Variants in PDE1C observed in about 807,000 individuals in gnomAD.
The protein encoded by PDE1C is dual specificity calcium/calmodulin-dependent 3',5'-cyclic nucleotide phosphodiesterase 1C.
Under a neutral mutation model 93.1 loss-of-function variants are expected in PDE1C, and 62 were observed. The ratio of observed to expected loss-of-function variants is 0.67; its 90% CI spans 0.54 to 0.82. The LOEUF (loss-of-function observed/expected upper bound fraction) is 0.82, where lower values mean the gene tolerates loss of function less well. Ranked by LOEUF, PDE1C falls within the 40% of genes least tolerant of loss-of-function variation. PDE1C has a pLI of 0.00. For synonymous variants in PDE1C, 325 were observed against 310.1 expected (o/e 1.05, Z -0.50); for missense variants, 742 against 884.6 (o/e 0.84, Z 2.04).
chr7:31,907,692 G>T (rs926850228), intron 2 of PDE1C, among the ~76,000 whole-genome samples: 1 of 151,928 alleles, frequency 6.6e-6, no homozygotes, highest in Non-Finnish European at 1.5e-5. Flanking sequence ...AATAAAATAT[G>T]TGAATGTGAA....
At chr7:31,737,168 G>A in the PDE1C span, among the ~76,000 whole-genome samples, 6 of 150,170 alleles carry the variant, frequency 4.0e-5, no homozygotes, top group South Asian at 2.1e-4. Context: ...TTGTAGAGAC[G>A]GTATCTCACT....
intron 1 of PDE1C, among the ~76,000 whole-genome samples, chr7:32,358,881 T>TTGTGTG (rs66808716): frequency 2.0e-5 from 3 of 147,568 alleles, no homozygotes; most frequent in Non-Finnish European, 3.0e-5. Flanking sequence ...TCATCTAACA[T>TTGTGTG]TGTGTGTGTG....
intron 14 of PDE1C, among the ~76,000 whole-genome samples, chr7:31,817,056 A>C (rs549281913): frequency 3.5e-4 from 53 of 152,188 alleles, no homozygotes; most frequent in Non-Finnish European, 6.6e-4. Flanking sequence ...AGCAGCAAGC[A>C]AGTGGATTTA....
At chr7:32,400,576 T>C (rs1333035214) in intron 1 of PDE1C, among the ~76,000 whole-genome samples, 2 of 152,244 alleles carry the variant, frequency 1.3e-5, no homozygotes, top group East Asian at 3.8e-4. Context: ...AGCTCCCAAA[T>C]GTGTTTGCCA....
chr7:31,992,956 C>T lies in PDE1C; in HGVS notation c.128+58598G>A, dbSNP rs1401602634. 2.6e-5 allele frequency among the ~76,000 whole-genome samples: 4 copies of T among 152,170 alleles called. No individual in the cohort carries two copies. In the East Asian group the frequency reaches 7.7e-4, roughly 29 times the overall value. ...ATGGAACATAATGAAGTTTTTATCT[C>T]TAATCCTCATATCAAACGATCGGCA... is the stretch of plus-strand genomic sequence containing the variant. On this transcript the variant is annotated intron_variant, in intron 2 of 17. Transcript: ENST00000396191.
chr7:32,321,663 G>A (rs1488203166), intron 1 of PDE1C, among the ~76,000 whole-genome samples: 1 of 152,182 alleles, frequency 6.6e-6, no homozygotes. Context: ...TTTGATAGCA[G>A]GTCTGCTACT....
At chr7:31,650,250 G>A in the PDE1C span, among the ~76,000 whole-genome samples, 2 of 152,166 alleles carry the variant, frequency 1.3e-5, no homozygotes, top group Non-Finnish European at 2.9e-5. Context: ...GTTGGCGAAA[G>A]CAAACAGTAA....
intron 2 of PDE1C, among the ~76,000 whole-genome samples, chr7:31,903,968 A>C (rs565225486): frequency 8.5e-5 from 13 of 152,308 alleles, no homozygotes; most frequent in Admixed American, 7.9e-4. Context: ...TTTCTCTCAT[A>C]AACTTATTCT....
chr7:32,140,577 A>G (rs1188889521), intron 3 of PDE1C, among the ~76,000 whole-genome samples: 1 of 152,252 alleles, frequency 6.6e-6, no homozygotes, highest in Non-Finnish European at 1.5e-5. Flanking sequence ...TTTTCCTGAC[A>G]GCTGAGAAAG....
intron 3 of PDE1C, among the ~76,000 whole-genome samples, chr7:32,102,602 C>A (rs1002564614): frequency 6.6e-6 from 1 of 152,190 alleles, no homozygotes; most frequent in African/African-American, 2.4e-5. Context: ...TAGGAAGAGG[C>A]AATTGTCCAG....
In PDE1C at chr7:31,807,082, A is replaced by G. The variant is rs1411662679; in HGVS notation, c.1891+1949T>C. Among the ~76,000 whole-genome samples, 3 of 151,908 alleles carry G rather than the reference A, an allele frequency of 2.0e-5. No individual in the cohort carries two copies. In the East Asian group the frequency reaches 5.8e-4, roughly 30 times the overall value. On this transcript the variant is annotated intron_variant, in intron 16 of 17. Coordinates refer to ENST00000396191, the MANE Select transcript of PDE1C (RefSeq NM_001191057.4). ...AAAGGTTTTGGACTAAAATAGTGCA[A>G]GTCACTGAAGCTCAATGCTCTAAGT...
At chr7:32,018,311 A>G (rs987748755) in intron 2 of PDE1C, among the ~76,000 whole-genome samples, 5 of 152,078 alleles carry the variant, frequency 3.3e-5, no homozygotes, top group African/African-American at 1.2e-4. Flanking sequence ...TTCACACTTA[A>G]GGATATACTC....
the PDE1C span, among the ~76,000 whole-genome samples, chr7:31,700,619 C>A: frequency 3.9e-3 from 594 of 152,244 alleles, 1 homozygote; most frequent in African/African-American, 0.014. Context: ...TCTATTGGAA[C>A]AAGATGCCAT....
chr7:31,665,919 A>C, the PDE1C span, among the ~76,000 whole-genome samples: 1 of 152,180 alleles, frequency 6.6e-6, no homozygotes, highest in Non-Finnish European at 1.5e-5. Context: ...GGCAAATTGG[A>C]GCAGGCCCAG....
At chr7:32,082,790 G>T (rs1255245139) in intron 3 of PDE1C, among the ~76,000 whole-genome samples, 1 of 152,198 alleles carries the variant, frequency 6.6e-6, no homozygotes, top group African/African-American at 2.4e-5. Context: ...GCAGCTGAGG[G>T]TCCTGTCTAT....
At chr7:32,304,851 TATATATTATTATA>T (rs1812960308) in intron 1 of PDE1C, among the ~76,000 whole-genome samples, 2 of 152,144 alleles carry the variant, frequency 1.3e-5, no homozygotes. Context: ...TATTATGTCA[TATATATTATTATA>T]ACATGACAAT....
intron 13 of PDE1C, among the ~76,000 whole-genome samples, chr7:31,823,848 T>C (rs1000569478): frequency 6.6e-6 from 1 of 152,130 alleles, no homozygotes; most frequent in African/African-American, 2.4e-5. Context: ...AAGCACCATC[T>C]TTCTGGAAAA....
chr7:31,714,701 C>A, the PDE1C span, among the ~76,000 whole-genome samples: 1 of 152,238 alleles, frequency 6.6e-6, no homozygotes, highest in Admixed American at 6.5e-5. Flanking sequence ...CATGGATGGC[C>A]GCAGGCAAAG....
chr7:32,000,100 T>C (rs893862522), intron 2 of PDE1C, among the ~76,000 whole-genome samples: 2 of 152,094 alleles, frequency 1.3e-5, no homozygotes, highest in African/African-American at 4.8e-5. Flanking sequence ...ACGGTCACTG[T>C]GAGGATTAAA....
Sources: allele counts gnomAD v4.1 joint callset (sites outside exome capture counted in the v4.1 genomes callset), GRCh38; gene constraint gnomAD v4.1.1; transcripts MANE v1.5; gene names NCBI Gene and HGNC (gene_info 2026-07-23, HGNC 2026-07-21).